ILRUN: variants seen among roughly 807,000 people sequenced by gnomAD.
ILRUN encodes the protein inflammation and lipid regulator with UBA-like and NBR1-like domains.
A neutral mutation model predicts 33.8 loss-of-function variants in ILRUN; 3 were observed. The observed-to-expected ratio is 0.09, with a 90% CI of 0.04 to 0.23. ILRUN has a LOEUF of 0.23. Among genes scored for constraint, ILRUN ranks in the 10% least tolerant of loss-of-function variants. ILRUN has a pLI of 1.00. For synonymous variants in ILRUN, 124 were observed against 138.9 expected, an observed-to-expected ratio of 0.89 and a Z score of 0.75; for missense variants, 210 against 375.1, an observed-to-expected ratio of 0.56 and a Z score of 3.64.
At chr6:34,638,200 T>C (rs1226682549) in intron 3 of ILRUN, among the ~76,000 whole-genome samples, 3 of 151,902 alleles carry the variant, frequency 2.0e-5, no homozygotes, top group African/African-American at 7.3e-5. Context: ...CATACCGACT[T>C]TGACTCACAC....
intron 3 of ILRUN, among the ~76,000 whole-genome samples, chr6:34,632,235 G>C (rs1762263025): frequency 6.6e-6 from 1 of 152,120 alleles, no homozygotes; most frequent in Admixed American, 6.5e-5. Context: ...GAGGTTAGGA[G>C]TTTGAGACCA....
At chr6:34,693,914 C>G (rs555519699) in intron 1 of ILRUN, among the ~76,000 whole-genome samples, 1 of 152,082 alleles carries the variant, frequency 6.6e-6, no homozygotes, top group East Asian at 1.9e-4. Flanking sequence ...GCCTCAGCTT[C>G]CCAGGGTGAT....
chr6:34,644,173 A>G (rs1449847182), intron 3 of ILRUN, among the ~76,000 whole-genome samples: 1 of 152,188 alleles, frequency 6.6e-6, no homozygotes, highest in Non-Finnish European at 1.5e-5. Flanking sequence ...ATAAAACAAG[A>G]CTAGCGTTCT....
At chr6:34,655,769 A>G (rs973778854) in intron 1 of ILRUN, among the ~76,000 whole-genome samples, 2 of 152,188 alleles carry the variant, frequency 1.3e-5, no homozygotes, top group African/African-American at 4.8e-5. Flanking sequence ...ACTTCCCTCA[A>G]TAAAAGTTGT....
At chr6:34,668,656 T>TCTG (rs1763051207) in intron 1 of ILRUN, among the ~76,000 whole-genome samples, 1 of 152,122 alleles carries the variant, frequency 6.6e-6, no homozygotes, top group African/African-American at 2.4e-5. Flanking sequence ...CTTCAGAGGC[T>TCTG]ACCTGTGAGA....
At chr6:34,650,483 T>G (rs141434652) in intron 2 of ILRUN, among the ~76,000 whole-genome samples, 2,277 of 151,868 alleles carry the variant, frequency 0.015, 190 homozygotes, top group Admixed American at 0.12. Flanking sequence ...CAGGCTGGAG[T>G]GCAGTGGCGC....
chr6:34,694,691 C>T (rs1475642066), intron 1 of ILRUN, among the ~76,000 whole-genome samples: 1 of 152,044 alleles, frequency 6.6e-6, no homozygotes, highest in Non-Finnish European at 1.5e-5. Flanking sequence ...GAAATTTAAA[C>T]CTGCTCTTGC....
rs61423893 is a variant in ILRUN, at chr6:34,614,443, A to AATAT, written c.512-7543_512-7540dup. 3.1e-4 allele frequency among the ~76,000 whole-genome samples: 42 copies of AATAT among 133,596 alleles called. 3 individuals are homozygous for AATAT. Among genetic ancestry groups the AATAT allele is most frequent in the African/African-American group, 1.2e-3 (40 of 32,454 alleles). The allele number at this position is 133,596 out of a possible 152,430, so 87.6% of individuals were successfully genotyped here. A position where few individuals can be genotyped will look rare whatever the true frequency, so the allele number is the denominator to read the frequency against. On this transcript the variant is annotated intron_variant, in intron 3 of 4. Transcript: ENST00000374023. ...TCTCAAAAAATAATAAAAAAAAAAAAATATATATATATAAAATGTATATTA... is the reference window on the plus strand; with the variant it reads ...TCTCAAAAAATAATAAAAAAAAAAAAATATATATATATATATAAAATGTATATTA...
intron 3 of ILRUN, among the ~76,000 whole-genome samples, chr6:34,625,653 C>A (rs996775276): frequency 6.6e-6 from 1 of 152,146 alleles, no homozygotes; most frequent in African/African-American, 2.4e-5. Flanking sequence ...TCATGCTTAA[C>A]CAGAGTTTAT....
chr6:34,593,865 T>C (rs570876022), intron 4 of ILRUN, among the ~76,000 whole-genome samples: 1 of 152,228 alleles, frequency 6.6e-6, no homozygotes, highest in East Asian at 1.9e-4. Context: ...ACACCAGTTG[T>C]AGAGGAAAAG....
In ILRUN at chr6:34,618,475, C is replaced by T. The variant is rs149745565; in HGVS notation, c.512-11571G>A. Among the ~76,000 whole-genome samples, 196 of 152,292 alleles carry T rather than the reference C, an allele frequency of 1.3e-3. 1 individual carries two copies. In the Middle Eastern group the frequency reaches 0.02, roughly 16 times the overall value. ...TCCTGTCTCAGAAACAGCAACCAAT[C>T]CAGAACTGACCCCTGTCCTACCAAG... On this transcript the variant is annotated intron_variant, in intron 3 of 4. Transcript: ENST00000374023.
Position 34,675,832 on chromosome 6 carries a change from T to A in ILRUN, c.158+20614A>T, listed in dbSNP as rs148590220. Reference sequence around the variant, plus strand: ...GTTATAGAAAAATACAAAAGGCCAATAAAGATATGGAAAGATATCCAACCT... The same window carrying A: ...GTTATAGAAAAATACAAAAGGCCAAAAAAGATATGGAAAGATATCCAACCT... On this transcript the variant is annotated intron_variant, in intron 1 of 4. Coordinates refer to ENST00000374023, the MANE Select transcript of ILRUN (RefSeq NM_024294.4). Among the ~76,000 whole-genome samples the A allele has an allele frequency of 1.9e-3, 291 of 152,076 alleles. 1 individual carries two copies. Among genetic ancestry groups the A allele is most frequent in the South Asian group, 3.1e-3 (15 of 4,820 alleles).
chr6:34,618,723 T>C (rs539799029), intron 3 of ILRUN, among the ~76,000 whole-genome samples: 84 of 152,336 alleles, frequency 5.5e-4, no homozygotes, highest in African/African-American at 2.0e-3. Context: ...AGCTCATAGA[T>C]GCAGAGACCC....
At position 34,646,292 on chromosome 6, in the gene ILRUN, G is replaced by C. The variant is rs1762562916; in HGVS notation, c.511+309C>G. On this transcript the variant is annotated intron_variant, in intron 3 of 4. Transcript: ENST00000374023. This position sits in a 1 kb window ranked among gnomAD's most constrained non-coding sequence, Gnocchi z 4.9. ...TTGTGTCTAGAGACTTTGAGAACAA[G>C]GACTGCCTTTAGTATTCTTACAGTA... 6.6e-6 allele frequency among the ~76,000 whole-genome samples: 1 copy of C among 152,124 alleles called. No homozygotes were observed. Among genetic ancestry groups the C allele is most frequent in the South Asian group, 2.1e-4 (1 of 4,828 alleles).
At chr6:34,682,968 A>G (rs1763402029) in intron 1 of ILRUN, among the ~76,000 whole-genome samples, 1 of 152,052 alleles carries the variant, frequency 6.6e-6, no homozygotes, top group African/African-American at 2.4e-5. Flanking sequence ...ATCTCTAAAA[A>G]AATTTTAAAA....
chr6:34,605,311 AC>A (rs1324433297), intron 4 of ILRUN, among the ~76,000 whole-genome samples: 3 of 125,982 alleles, frequency 2.4e-5, no homozygotes, highest in African/African-American at 1.1e-4. Context: ...CGTCTCCAAA[AC>A]AAAAACAAAA....
intron 2 of ILRUN, among the ~76,000 whole-genome samples, chr6:34,652,310 TTACCATG>T (rs1762687308): frequency 6.6e-6 from 1 of 152,168 alleles, no homozygotes; most frequent in African/African-American, 2.4e-5. Context: ...TTTTCCTCTG[TTACCATG>T]TACCTCCCAA....
chr6:34,676,832 T>A (rs1160842017), intron 1 of ILRUN, among the ~76,000 whole-genome samples: 1 of 151,850 alleles, frequency 6.6e-6, no homozygotes, highest in Non-Finnish European at 1.5e-5. Flanking sequence ...AAAAACATAA[T>A]TATCCAAAAT....
chr6:34,682,569 T>G (rs998512952), intron 1 of ILRUN, among the ~76,000 whole-genome samples: 1 of 150,978 alleles, frequency 6.6e-6, no homozygotes, highest in Non-Finnish European at 1.5e-5. Context: ...ATCTCTGTCT[T>G]CTGAAGTGAT....
Sources: gnomAD v4.1 joint callset for allele counts (sites outside exome capture counted in the v4.1 genomes callset) on GRCh38, gnomAD v4.1.1 for gene constraint, Gnocchi (gnomAD v3.1) non-coding constraint, MANE v1.5 for transcripts, NCBI Gene and HGNC (gene_info 2026-07-23, HGNC 2026-07-21) for gene names.